SOX6: variants seen among roughly 807,000 people sequenced by gnomAD.
SOX6 encodes the protein transcription factor SOX-6.
In SOX6, 11 loss-of-function variants were observed where a neutral mutation model predicts 97.8. The observed-to-expected ratio is 0.11, with a 90% confidence interval of 0.07 to 0.19. The LOEUF is 0.19. Ranked by LOEUF, SOX6 falls within the 10% of genes least tolerant of loss-of-function variation. The probability of loss-of-function intolerance (pLI) is 1.00; values close to 1 mark genes in which losing one functional copy is unlikely to be tolerated. For missense variants in SOX6, 810 were observed against 1,039.5 expected (o/e 0.78, Z 3.04); for synonymous variants, 360 against 371.4 (o/e 0.97, Z 0.35).
chr11:16,675,623 A>T (rs369058915), intron 3 of SOX6, among the ~76,000 whole-genome samples: 13 of 152,244 alleles, frequency 8.5e-5, no homozygotes, highest in South Asian at 4.1e-4. Flanking sequence ...TCCCTTTGTC[A>T]TTTTTTGTAG....
chr11:16,545,310 G>T (rs995221792), intron 4 of SOX6, among the ~76,000 whole-genome samples: 1 of 145,880 alleles, frequency 6.9e-6, no homozygotes, highest in African/African-American at 2.5e-5. Context: ...TAAACCCATG[G>T]ATCCAAAAAC....
intron 5 of SOX6, among the ~76,000 whole-genome samples, chr11:16,185,224 C>T (rs925805849): frequency 1.3e-5 from 2 of 152,144 alleles, no homozygotes; most frequent in South Asian, 2.1e-4. Context: ...AAATGAGACT[C>T]CTCCTTGTCA....
intron 3 of SOX6, among the ~76,000 whole-genome samples, chr11:16,704,125 T>C (rs538977623): frequency 6.6e-6 from 1 of 152,372 alleles, no homozygotes; most frequent in South Asian, 2.1e-4. Flanking sequence ...TTAAATATTA[T>C]GATTTTCATT....
chr11:16,138,299 A>C (rs1850027922), intron 6 of SOX6, among the ~76,000 whole-genome samples: 1 of 152,316 alleles, frequency 6.6e-6, no homozygotes, highest in South Asian at 2.1e-4. Flanking sequence ...TACAGTCTAA[A>C]TAAACAGTGC....
intron 4 of SOX6, among the ~76,000 whole-genome samples, chr11:16,500,232 C>G (rs1045325736): frequency 1.3e-5 from 2 of 152,144 alleles, no homozygotes; most frequent in East Asian, 1.9e-4. Flanking sequence ...TCAATAGATG[C>G]AGAAAAGGCC....
intron 6 of SOX6, among the ~76,000 whole-genome samples, chr11:16,158,590 A>G (rs1850662854): frequency 6.6e-6 from 1 of 151,956 alleles, no homozygotes; most frequent in Non-Finnish European, 1.5e-5. Flanking sequence ...GAGAGGGGGC[A>G]CCCAGGCAAA....
intron 4 of SOX6, among the ~76,000 whole-genome samples, chr11:16,580,056 T>G (rs1238966532): frequency 6.6e-6 from 1 of 152,148 alleles, no homozygotes; most frequent in Non-Finnish European, 1.5e-5. Context: ...CCTTCTGTCC[T>G]GTAACTCTTA....
At chr11:16,731,370 C>T (rs923848241) in intron 2 of SOX6, among the ~76,000 whole-genome samples, 34 of 152,128 alleles carry the variant, frequency 2.2e-4, no homozygotes, top group African/African-American at 8.2e-4. Context: ...AAACCAAATC[C>T]AGCAGCACAT....
At chr11:16,306,501 G>A (rs987329264) in intron 3 of SOX6, among the ~76,000 whole-genome samples, 2 of 151,826 alleles carry the variant, frequency 1.3e-5, no homozygotes, top group Admixed American at 6.6e-5. Context: ...TGGATAGGAG[G>A]GATAATGACT....
intron 3 of SOX6, among the ~76,000 whole-genome samples, chr11:16,287,977 G>A (rs1043127955): frequency 6.6e-6 from 1 of 152,082 alleles, no homozygotes; most frequent in African/African-American, 2.4e-5. Context: ...AAAAAGAGAA[G>A]GGTGGAATTG....
intron 3 of SOX6, among the ~76,000 whole-genome samples, chr11:16,714,351 T>C (rs1447737254): frequency 6.6e-6 from 1 of 152,074 alleles, no homozygotes; most frequent in African/African-American, 2.4e-5. Flanking sequence ...ATGTTCATTG[T>C]TTTTCCCTCA....
intron 3 of SOX6, among the ~76,000 whole-genome samples, chr11:16,681,477 T>C (rs1847927069): frequency 6.6e-6 from 1 of 152,160 alleles, no homozygotes; most frequent in South Asian, 2.1e-4. Context: ...GAGGGAAATT[T>C]ATAGCACTAA....
At chr11:16,407,071 CT>C (rs903948137) in intron 1 of SOX6, among the ~76,000 whole-genome samples, 2 of 152,130 alleles carry the variant, frequency 1.3e-5, no homozygotes, top group Admixed American at 6.6e-5. Flanking sequence ...AAACTACAAA[CT>C]TTTTTGTCTC....
chr11:16,463,046 G>T (rs1262608585), intron 1 of SOX6, among the ~76,000 whole-genome samples: 1 of 152,068 alleles, frequency 6.6e-6, no homozygotes, highest in Admixed American at 6.5e-5. Flanking sequence ...ACACTTCTAG[G>T]GCCAAATATT....
Position 16,259,083 on chromosome 11 carries a change from TAAAACCTAAAATA to T in SOX6, c.446-24425_446-24413del, listed in dbSNP as rs1207096580. Among the ~76,000 whole-genome samples, 26 of 151,936 alleles carry T rather than the reference TAAAACCTAAAATA, an allele frequency of 1.7e-4. No homozygotes were observed. The East Asian group carries it at 4.4e-3, about 26-fold the overall frequency. ...TTGGTTGTATATATAGAAATAAATT[TAAAACCTAAAATA>T]AAGTATTAGAATTAAGAAATATATT... is the stretch of plus-strand genomic sequence containing the variant. On this transcript the variant is annotated intron_variant, in intron 3 of 15. Coordinates refer to ENST00000683767, the MANE Select transcript of SOX6 (RefSeq NM_001367873.1).
chr11:16,373,694 C>T (rs1004196925), intron 1 of SOX6, among the ~76,000 whole-genome samples: 2 of 151,472 alleles, frequency 1.3e-5, no homozygotes, highest in African/African-American at 4.9e-5. Flanking sequence ...AACTCTAATC[C>T]TTAAGAATAA....
intron 4 of SOX6, among the ~76,000 whole-genome samples, chr11:16,544,262 T>G (rs1172631064): frequency 6.6e-6 from 1 of 152,036 alleles, no homozygotes; most frequent in East Asian, 1.9e-4. Flanking sequence ...TTTATCTTGT[T>G]TCATTTTGTT....
intron 3 of SOX6, among the ~76,000 whole-genome samples, chr11:16,709,571 G>C (rs918395096): frequency 1.3e-5 from 2 of 152,064 alleles, no homozygotes; most frequent in Non-Finnish European, 2.9e-5. Context: ...TGAGAAGTCT[G>C]TTCCTCCTTT....
chr11:15,980,355 G>A (rs2119816509), intron 15 of SOX6, among the ~76,000 whole-genome samples: 1 of 152,160 alleles, frequency 6.6e-6, no homozygotes, highest in Non-Finnish European at 1.5e-5. Context: ...AGAACTTAGG[G>A]AAGACTCCTC....
Sources: gnomAD v4.1 joint callset for allele counts (sites outside exome capture counted in the v4.1 genomes callset) on GRCh38, gnomAD v4.1.1 for gene constraint, MANE v1.5 for transcripts, NCBI Gene and HGNC (gene_info 2026-07-23, HGNC 2026-07-21) for gene names.